Variants in BCAR3 observed in about 807,000 individuals in gnomAD.
BCAR3 encodes the protein breast cancer anti-estrogen resistance protein 3.
Under a neutral mutation model 80.1 loss-of-function variants are expected in BCAR3, and 37 were observed. The observed-to-expected ratio is 0.46, with a 90% CI of 0.36 to 0.61. The LOEUF is 0.61. BCAR3 is among the 20% of genes least tolerant of loss of function. BCAR3 has a pLI of 0.00. For synonymous variants in BCAR3, 389 were observed against 418.9 expected, an observed-to-expected ratio of 0.93 and a Z score of 0.87; for missense variants, 978 against 1,068.2, an observed-to-expected ratio of 0.92 and a Z score of 1.18.
intron 2 of BCAR3, among the ~76,000 whole-genome samples, chr1:93,800,232 C>T (rs967456033): frequency 1.3e-5 from 2 of 152,012 alleles, no homozygotes; most frequent in African/African-American, 4.8e-5. Context: ...ATTTTTATGA[C>T]ATTGGTGGAT....
At chr1:93,789,623 T>A (rs1446993902) in intron 2 of BCAR3, among the ~76,000 whole-genome samples, 3 of 152,184 alleles carry the variant, frequency 2.0e-5, no homozygotes. Flanking sequence ...CAGGTCTCAT[T>A]TGTTTAGAAT....
chr1:93,756,072 T>G (rs1349231328), intron 2 of BCAR3, among the ~76,000 whole-genome samples: 2 of 152,210 alleles, frequency 1.3e-5, no homozygotes, highest in African/African-American at 4.8e-5. Context: ...TCTGACAATT[T>G]CAGTGAATTG....
chr1:93,748,155 G>C (rs1378921174), intron 2 of BCAR3, among the ~76,000 whole-genome samples: 1 of 152,078 alleles, frequency 6.6e-6, no homozygotes, highest in Admixed American at 6.6e-5. Context: ...CTCAATATTA[G>C]GTACTGAGCT....
chr1:93,679,833 ATTTTACTC>A (rs1648669203), intron 1 of BCAR3, among the ~76,000 whole-genome samples: 1 of 152,186 alleles, frequency 6.6e-6, no homozygotes, highest in Non-Finnish European at 1.5e-5. Flanking sequence ...ACTTGTTTGG[ATTTTACTC>A]TTTTATTTCT....
intron 2 of BCAR3, among the ~76,000 whole-genome samples, chr1:93,770,057 G>A (rs1168288808): frequency 6.6e-6 from 1 of 152,214 alleles, no homozygotes; most frequent in Non-Finnish European, 1.5e-5. Context: ...GGATTGCACT[G>A]TCTGGGCTTA....
intron 3 of BCAR3, among the ~76,000 whole-genome samples, chr1:93,632,124 A>T (rs1675640874): frequency 2.0e-5 from 3 of 152,212 alleles, no homozygotes; most frequent in African/African-American, 7.2e-5. Flanking sequence ...GATGCGTCCA[A>T]ATCCTGCACA....
In BCAR3 at chr1:93,592,664, G is replaced by A. The variant is rs1022636573; in HGVS notation, c.358-271C>T. Among the ~76,000 whole-genome samples the A allele has an allele frequency of 6.6e-6, 1 of 152,168 alleles. No individual in the cohort carries two copies. The highest frequency in any genetic ancestry group is 1.5e-5 in the Non-Finnish European group (1 of 68,032). On this transcript the variant is annotated intron_variant, in intron 3 of 11. Transcript: ENST00000260502. The surrounding 1 kb of genome is among the most constrained non-coding windows in gnomAD (Gnocchi z 4.8). ...GTCTACTCAAGCAGCTGGGCAGGAA[G>A]GGCCAGAGAGATGTACAGACAGCAA...
chr1:93,669,857 T>C (rs1409295842), intron 2 of BCAR3, among the ~76,000 whole-genome samples: 1 of 152,222 alleles, frequency 6.6e-6, no homozygotes, highest in Admixed American at 6.5e-5. Context: ...AAACATCATA[T>C]GTTCTCACTG....
intron 2 of BCAR3, among the ~76,000 whole-genome samples, chr1:93,811,692 G>A (rs12239830): frequency 0.085 from 12,913 of 152,154 alleles, 629 homozygotes; most frequent in African/African-American, 0.12. Context: ...TTCTTCCACA[G>A]GTAATCCTGG....
intron 2 of BCAR3, among the ~76,000 whole-genome samples, chr1:93,719,336 T>TTC: frequency 8.0e-6 from 1 of 124,390 alleles, no homozygotes; most frequent in Non-Finnish European, 1.7e-5. Flanking sequence ...ACTTTCTTGT[T>TTC]TTTTTTTTTT....
chr1:93,743,969 A>T (rs1450629893), intron 2 of BCAR3, among the ~76,000 whole-genome samples: 3 of 152,210 alleles, frequency 2.0e-5, no homozygotes, highest in Non-Finnish European at 4.4e-5. Flanking sequence ...GGGAGGGGAC[A>T]GAAAGTGCAG....
intron 2 of BCAR3, among the ~76,000 whole-genome samples, chr1:93,823,865 A>G (rs1393818972): frequency 3.0e-5 from 4 of 133,010 alleles, no homozygotes; most frequent in Admixed American, 7.8e-5. Flanking sequence ...ACGCCCAGCT[A>G]ATTTTTACAT....
intron 2 of BCAR3, among the ~76,000 whole-genome samples, chr1:93,738,405 C>T (rs1482450225): frequency 1.3e-5 from 2 of 152,190 alleles, no homozygotes; most frequent in Middle Eastern, 3.2e-3. Context: ...CCACAGTTAC[C>T]ACCTCAATGC....
rs542732854 is a variant in BCAR3 at position 93,671,309 on chromosome 1, T to G, written c.317+3305A>C. On this transcript the variant is annotated intron_variant, in intron 2 of 11. Transcript: ENST00000260502. Reference sequence around the variant, plus strand: ...AGCCCGGCCTATAAAGGTGACTTTTTAATGATTAACAAGCTAAACATATTT... The same window carrying G: ...AGCCCGGCCTATAAAGGTGACTTTTGAATGATTAACAAGCTAAACATATTT... Among the ~76,000 whole-genome samples, 137 of 152,328 alleles carry G rather than the reference T, an allele frequency of 9.0e-4. 1 individual carries two copies. The highest frequency in any genetic ancestry group is 3.2e-3 in the African/African-American group (134 of 41,586).
At position 93,586,015 on chromosome 1, in the gene BCAR3, TGG is replaced by T. The variant is rs1421676758; in HGVS notation, c.930-1896_930-1895del. On this transcript the variant is annotated intron_variant, in intron 5 of 11. Coordinates refer to ENST00000260502, the MANE Select transcript of BCAR3 (RefSeq NM_003567.4). The surrounding 1 kb of genome is among the most constrained non-coding windows in gnomAD (Gnocchi z 4.2). The stretch of plus-strand genomic sequence containing the variant: ...TGTGAAATAAGTGTATCATGGAGAA[TGG>T]GGTATCCATGCCCTCTAGCATTTAT... 6.6e-6 allele frequency among the ~76,000 whole-genome samples: 1 copy of T among 152,230 alleles called. No homozygotes were observed. The highest frequency in any genetic ancestry group is 1.5e-5 in the Non-Finnish European group (1 of 68,050).
chr1:93,831,627 A>G (rs1214426455), intron 2 of BCAR3, among the ~76,000 whole-genome samples: 1 of 151,952 alleles, frequency 6.6e-6, no homozygotes, highest in Non-Finnish European at 1.5e-5. Flanking sequence ...CTGTTCCTTC[A>G]GTCTCCACCC....
Position 93,674,621 on chromosome 1 carries a change from T to G in BCAR3, c.310A>C (p.Thr104Pro). The G allele has an allele frequency of 1.2e-6, 2 of 1,612,384 alleles. No individual in the cohort carries two copies. Among genetic ancestry groups the G allele is most frequent in the Non-Finnish European group, 8.5e-7 (1 of 1,179,680 alleles). The change falls in exon 2 of 12, where the codon ACC becomes CCC. Residue 104 changes from threonine to proline, a missense_variant. Coordinates refer to ENST00000260502, the MANE Select transcript of BCAR3 (RefSeq NM_003567.4). ...TGAAATTACAGAAGTTACCTGAAGG[T>G]GAAGGTTTCGCCGTGCCGGTCCTGC... The part of the protein sequence containing the change: ...PWQDRHGETF[T>P]FRDPHLLDPT...
chr1:93,812,914 A>G (rs973423952), intron 2 of BCAR3, among the ~76,000 whole-genome samples: 3 of 152,056 alleles, frequency 2.0e-5, no homozygotes, highest in Admixed American at 2.0e-4. Flanking sequence ...TATCATCTCC[A>G]TCGGCTTTTT....
Position 93,592,541 on chromosome 1 carries a change from T to A in BCAR3, c.358-148A>T. 8.8e-7 allele frequency: 1 copy of A among 1,142,660 alleles called. No individual in the cohort carries two copies. Among genetic ancestry groups the A allele is most frequent in the Non-Finnish European group, 1.2e-6 (1 of 828,736 alleles). 70.8% of individuals were successfully genotyped at this position (1,142,660 alleles called of 1,614,324 possible). On this transcript the variant is annotated intron_variant, in intron 3 of 11. Coordinates refer to ENST00000260502, the MANE Select transcript of BCAR3 (RefSeq NM_003567.4). This position sits in a 1 kb window ranked among gnomAD's most constrained non-coding sequence, Gnocchi z 4.8. ...AGCCTGGATAATGATTACAAAGAGCTGTGACCTTTCGTTTCTCCGGCCGCA... is the reference window on the plus strand; with the variant it reads ...AGCCTGGATAATGATTACAAAGAGCAGTGACCTTTCGTTTCTCCGGCCGCA...
Sources: gnomAD v4.1 joint callset for allele counts (sites outside exome capture counted in the v4.1 genomes callset) on GRCh38, gnomAD v4.1.1 for gene constraint, Gnocchi (gnomAD v3.1) non-coding constraint, MANE v1.5 for transcripts, NCBI Gene and HGNC (gene_info 2026-07-23, HGNC 2026-07-21) for gene names.